TANK: variants seen among roughly 807,000 people sequenced by gnomAD.
TANK encodes TRAF family member-associated NF-kappa-B activator.
TANK carries 15 observed loss-of-function variants against 43.6 expected under a neutral mutation model. The observed-to-expected ratio is 0.34, with a 90% CI of 0.23 to 0.53. The LOEUF (loss-of-function observed/expected upper bound fraction) is 0.53, where lower values mean the gene tolerates loss of function less well. Ranked by LOEUF, TANK falls within the 20% of genes least tolerant of loss-of-function variation. The pLI, the probability that TANK is intolerant of heterozygous loss-of-function variation, is 0.94. For missense variants in TANK, 417 were observed against 498.6 expected, an observed-to-expected ratio of 0.84 and a Z score of 1.56; for synonymous variants, 162 against 178.2, an observed-to-expected ratio of 0.91 and a Z score of 0.73.
chr2:161,233,812 T>A (rs1395537773), intron 7 of TANK, among the ~76,000 whole-genome samples: 1 of 152,080 alleles, frequency 6.6e-6, no homozygotes, highest in Non-Finnish European at 1.5e-5. Flanking sequence ...TCTTTTATTT[T>A]TGGCCATATC....
At chr2:161,225,547 C>G (rs1252549322) in intron 6 of TANK, among the ~76,000 whole-genome samples, 2 of 152,134 alleles carry the variant, frequency 1.3e-5, no homozygotes, top group African/African-American at 4.8e-5. Flanking sequence ...TTCAGTAGTT[C>G]TATATGAATA....
chr2:161,232,587 T>C (rs1482562009), intron 7 of TANK: 2 of 910,978 alleles, frequency 2.2e-6, no homozygotes, highest in Non-Finnish European at 3.1e-6. Context: ...TTTCACATCA[T>C]AGTCTCAGTT....
chr2:161,220,720 C>A lies in TANK; in HGVS notation c.328-3195C>A, dbSNP rs1687305012. Among the ~76,000 whole-genome samples the A allele has an allele frequency of 3.3e-5, 5 of 152,080 alleles. 1 individual carries two copies. The South Asian group carries it at 1.0e-3, about 32-fold the overall frequency. ...ATTTTTATTTCTTTTCTGTATCTTT[C>A]CAATTTTTTATAAAAGGAATAAAAT... is the stretch of plus-strand genomic sequence containing the variant. On this transcript the variant is annotated intron_variant, in intron 4 of 7. Coordinates refer to ENST00000392749, the MANE Select transcript of TANK (RefSeq NM_001199135.3).
intron 6 of TANK, 152 bp from the exon 7 acceptor site, chr2:161,230,819 G>A (rs1489146796): frequency 1.5e-6 from 1 of 648,088 alleles, no homozygotes; most frequent in African/African-American, 1.8e-5. Flanking sequence ...AATATTCTGT[G>A]TAAGATGGTA....
At chr2:161,205,246 G>A (rs1187187944) in intron 4 of TANK, among the ~76,000 whole-genome samples, 1 of 152,138 alleles carries the variant, frequency 6.6e-6, no homozygotes, top group Non-Finnish European at 1.5e-5. Context: ...GGCCTAAGAA[G>A]TCAAGGCTGC....
chr2:161,191,543 G>T (rs1236826995), intron 2 of TANK, among the ~76,000 whole-genome samples: 3 of 152,118 alleles, frequency 2.0e-5, no homozygotes, highest in Non-Finnish European at 1.5e-5. Flanking sequence ...AATCTTATGA[G>T]GAAGTATTAT....
At chr2:161,148,644 G>T (rs752240291) in intron 1 of TANK, among the ~76,000 whole-genome samples, 11 of 152,096 alleles carry the variant, frequency 7.2e-5, no homozygotes, top group Non-Finnish European at 1.0e-4. Context: ...TGCTATTATG[G>T]TTTTATCTCT....
At chr2:161,192,992 T>G (rs976147767) in intron 2 of TANK, among the ~76,000 whole-genome samples, 1 of 152,246 alleles carries the variant, frequency 6.6e-6, no homozygotes, top group African/African-American at 2.4e-5. Context: ...TCCTCTCTCC[T>G]TGGATGAATC....
intron 4 of TANK, among the ~76,000 whole-genome samples, chr2:161,215,651 A>C (rs974979084): frequency 4.6e-5 from 7 of 152,162 alleles, no homozygotes; most frequent in Non-Finnish European, 8.8e-5. Context: ...GCTTTGTTTA[A>C]GTACAGGATC....
chr2:161,168,565 G>T (rs1018040972), intron 1 of TANK, among the ~76,000 whole-genome samples: 1 of 152,198 alleles, frequency 6.6e-6, no homozygotes, highest in African/African-American at 2.4e-5. Flanking sequence ...AGGCACAGTG[G>T]CTTATGCCTA....
At chr2:161,174,363 A>C (rs1335857359) in intron 1 of TANK, among the ~76,000 whole-genome samples, 2 of 152,168 alleles carry the variant, frequency 1.3e-5, no homozygotes, top group Non-Finnish European at 2.9e-5. Flanking sequence ...CATATCACAT[A>C]TTTTTACAGT....
At chr2:161,182,846 C>G (rs1343728247) in intron 2 of TANK, among the ~76,000 whole-genome samples, 1 of 152,164 alleles carries the variant, frequency 6.6e-6, no homozygotes, top group Non-Finnish European at 1.5e-5. Context: ...GAGTATGCAG[C>G]AAGACCCTCT....
chr2:161,150,689 C>T (rs1427612562), intron 1 of TANK, among the ~76,000 whole-genome samples: 2 of 148,482 alleles, frequency 1.3e-5, no homozygotes, highest in Non-Finnish European at 3.0e-5. Flanking sequence ...CAGGTTCAAG[C>T]GATTCTCCTG....
intron 1 of TANK, among the ~76,000 whole-genome samples, chr2:161,174,007 C>T (rs901458852): frequency 2.0e-5 from 3 of 152,114 alleles, no homozygotes; most frequent in Non-Finnish European, 4.4e-5. Flanking sequence ...GTCACATGAC[C>T]ACACCAGCTA....
intron 1 of TANK, among the ~76,000 whole-genome samples, chr2:161,165,654 A>G (rs887347058): frequency 2.6e-5 from 4 of 152,206 alleles, no homozygotes; most frequent in Non-Finnish European, 5.9e-5. Context: ...CATACTGACT[A>G]CAGACTTTCT....
At chr2:161,171,690 T>A (rs1462996921) in intron 1 of TANK, among the ~76,000 whole-genome samples, 1 of 152,294 alleles carries the variant, frequency 6.6e-6, no homozygotes, top group East Asian at 1.9e-4. Flanking sequence ...ATTTCAACTC[T>A]TTTTTCATAG....
rs566377004 is a variant in TANK, at chr2:161,197,317, T to G, written c.100-6170T>G. 1.4e-4 allele frequency: 22 copies of G among 152,354 alleles called. No homozygotes were observed. The East Asian group carries it at 4.0e-3, about 28-fold the overall frequency. 9.4% of individuals were successfully genotyped at this position (152,354 alleles called of 1,614,324 possible). ...AACAATCAGGTGTTGGTTTTTTGTT[T>G]TGTTTTCTTTGCTTGACAGAATGTT... On this transcript the variant is annotated intron_variant, in intron 2 of 7. Transcript: ENST00000392749.
chr2:161,210,747 AAAC>A (rs1686852667), intron 4 of TANK, among the ~76,000 whole-genome samples: 2 of 152,104 alleles, frequency 1.3e-5, no homozygotes, highest in African/African-American at 4.8e-5. Flanking sequence ...GGCACAGATA[AAAC>A]ATTTAGGACC....
At chr2:161,212,205 C>T (rs1406376996) in intron 4 of TANK, 1 of 289,142 alleles carries the variant, frequency 3.5e-6, no homozygotes, top group Non-Finnish European at 5.2e-6. Flanking sequence ...GGATTACATG[C>T]ACACACCACC....
Sources: allele counts gnomAD v4.1 joint callset (sites outside exome capture counted in the v4.1 genomes callset), GRCh38; gene constraint gnomAD v4.1.1; transcripts MANE v1.5; gene names NCBI Gene and HGNC (gene_info 2026-07-23, HGNC 2026-07-21).